Variants in ABLIM2 observed in about 807,000 individuals in gnomAD.
ABLIM2 encodes actin binding LIM protein family member 2.
A neutral mutation model predicts 97.7 loss-of-function variants in ABLIM2; 53 were observed. The observed-to-expected ratio is 0.54, with a 90% CI of 0.44 to 0.68. The LOEUF (loss-of-function observed/expected upper bound fraction) is 0.68, where lower values mean the gene tolerates loss of function less well. ABLIM2 is among the 30% of genes least tolerant of loss of function. ABLIM2 has a pLI of 0.00. For synonymous variants in ABLIM2, 361 were observed against 345.8 expected, an observed-to-expected ratio of 1.04 and a Z score of -0.49; for missense variants, 835 against 867.2, an observed-to-expected ratio of 0.96 and a Z score of 0.47.
Position 8,130,260 on chromosome 4 carries a change from C to T in ABLIM2, c.11-23623G>A, listed in dbSNP as rs115085062. Among the ~76,000 whole-genome samples, 866 of 152,294 alleles carry T rather than the reference C, an allele frequency of 5.7e-3. 9 individuals are homozygous for T. Among genetic ancestry groups the T allele is most frequent in the African/African-American group, 0.019 (806 of 41,574 alleles). ...AGGGTGGTGCTGGATGGCTGAGGCC[C>T]GGCCGCATCTGTCACCAGTTCCGGG... is the stretch of plus-strand genomic sequence containing the variant. On this transcript the variant is annotated intron_variant, in intron 1 of 20. Coordinates refer to ENST00000447017, the MANE Select transcript of ABLIM2 (RefSeq NM_001130083.2). The surrounding 1 kb of genome is among the most constrained non-coding windows in gnomAD (Gnocchi z 4.2).
At chr4:7,994,504 G>GGAGAA (rs1751684969) in intron 16 of ABLIM2, among the ~76,000 whole-genome samples, 1 of 51,540 alleles carries the variant, frequency 1.9e-5, no homozygotes, top group African/African-American at 5.3e-5. Flanking sequence ...ATCATTGTTG[G>GGAGAA]ACATTTGGGT....
rs1360833589 is a variant in ABLIM2, at chr4:8,158,719, C to T, written c.-30G>A. On this transcript the variant is annotated 5_prime_UTR_variant, in exon 1 of 21. Coordinates refer to ENST00000447017, the MANE Select transcript of ABLIM2 (RefSeq NM_001130083.2). Reference sequence around the variant, plus strand: ...GCAGCCGCTCGGAGTCGGGGCGGCCCGGCGCTGCGACAGCCAGACCCTCGG... The same window carrying T: ...GCAGCCGCTCGGAGTCGGGGCGGCCTGGCGCTGCGACAGCCAGACCCTCGG... 1.4e-6 allele frequency: 2 copies of T among 1,437,430 alleles called. No homozygotes were observed. The highest frequency in any genetic ancestry group is 1.8e-6 in the Non-Finnish European group (2 of 1,095,038). The allele number at this position is 1,437,430 out of a possible 1,614,324, so 89.0% of individuals were successfully genotyped here. A position where few individuals can be genotyped will look rare whatever the true frequency, so the allele number is the denominator to read the frequency against.
chr4:8,074,737 C>T (rs1814777912), intron 6 of ABLIM2, among the ~76,000 whole-genome samples: 1 of 148,472 alleles, frequency 6.7e-6, no homozygotes, highest in African/African-American at 2.5e-5. Flanking sequence ...AACTGGAAGG[C>T]GGCATTGTGT....
At chr4:8,088,310 C>A in intron 3 of ABLIM2, 26 bp from the exon 4 acceptor site, 3 of 1,591,066 alleles carry the variant, frequency 1.9e-6, no homozygotes, top group South Asian at 1.1e-5. Context: ...TCGTTACCAG[C>A]CAGGCCCACC....
chr4:8,156,328 C>G (rs1014581515), intron 1 of ABLIM2, among the ~76,000 whole-genome samples: 1 of 152,188 alleles, frequency 6.6e-6, no homozygotes, highest in African/African-American at 2.4e-5. Context: ...TGTGGACTGG[C>G]CGGCCATACT....
At chr4:8,121,290 G>C (rs1350364479) in intron 1 of ABLIM2, among the ~76,000 whole-genome samples, 1 of 152,246 alleles carries the variant, frequency 6.6e-6, no homozygotes, top group African/African-American at 2.4e-5. Context: ...GACGGTACTG[G>C]GCAGCCACCC....
rs570537634 is a variant in ABLIM2 at position 8,148,415 on chromosome 4, C to T, written c.10+10265G>A. On this transcript the variant is annotated intron_variant, in intron 1 of 20. Coordinates refer to ENST00000447017, the MANE Select transcript of ABLIM2 (RefSeq NM_001130083.2). The surrounding 1 kb of genome is among the most constrained non-coding windows in gnomAD (Gnocchi z 6.7). ...CAGGAGGTGAGGGAGCCGCTCAGGA[C>T]GCGGGGGGGCCATGGCGCACCACAG... Among the ~76,000 whole-genome samples the T allele has an allele frequency of 5.9e-5, 9 of 152,220 alleles. No individual in the cohort carries two copies. The highest frequency in any genetic ancestry group is 1.2e-4 in the African/African-American group (5 of 41,544).
chr4:8,077,964 C>G (rs890510522), intron 5 of ABLIM2, among the ~76,000 whole-genome samples: 3 of 152,214 alleles, frequency 2.0e-5, no homozygotes, highest in Non-Finnish European at 4.4e-5. Flanking sequence ...GGCCAGACCA[C>G]CTGCCCAGTG....
rs1820434620 is a variant in ABLIM2, at chr4:8,082,297, T to C, written c.455-1495A>G. Among the ~76,000 whole-genome samples, 1 of 152,188 alleles carries C rather than the reference T, an allele frequency of 6.6e-6. No homozygotes were observed. Among genetic ancestry groups the C allele is most frequent in the African/African-American group, 2.4e-5 (1 of 41,444 alleles). ...TATGCGCTGGGTCACACTGAGCGTA[T>C]TCCTCCTGCGGGAGCCCCCATTTCC... On this transcript the variant is annotated intron_variant, in intron 4 of 20. Transcript: ENST00000447017. The surrounding 1 kb of genome is among the most constrained non-coding windows in gnomAD (Gnocchi z 5.6).
chr4:8,090,946 C>G (rs1826961019), intron 3 of ABLIM2, among the ~76,000 whole-genome samples: 1 of 152,022 alleles, frequency 6.6e-6, no homozygotes, highest in Non-Finnish European at 1.5e-5. Context: ...GCACGGTTGC[C>G]AACCAGCCTC....
intron 16 of ABLIM2, among the ~76,000 whole-genome samples, chr4:7,994,595 C>G (rs1254894472): frequency 6.5e-5 from 5 of 76,398 alleles, no homozygotes; most frequent in Non-Finnish European, 1.6e-4. Flanking sequence ...ATGATTTATA[C>G]TCATTTGGGT....
intron 6 of ABLIM2, among the ~76,000 whole-genome samples, chr4:8,070,458 C>T (rs756732400): frequency 6.6e-6 from 1 of 151,858 alleles, no homozygotes; most frequent in Non-Finnish European, 1.5e-5. Flanking sequence ...CTTGAGAAGT[C>T]GCTATCACCT....
rs969009986 is a variant in ABLIM2, at chr4:8,061,877, T to C, written c.676-823A>G. On this transcript the variant is annotated intron_variant, in intron 6 of 20. Transcript: ENST00000447017. This position sits in a 1 kb window ranked among gnomAD's most constrained non-coding sequence, Gnocchi z 4.5. The stretch of plus-strand genomic sequence containing the variant: ...AGTAAGTAAAGGGCTGAAATGTCAT[T>C]TTGAGCATCCCGTTTTCCCTGTCCT... Among the ~76,000 whole-genome samples, 1 of 152,112 alleles carries C rather than the reference T, an allele frequency of 6.6e-6. No homozygotes were observed. Among genetic ancestry groups the C allele is most frequent in the African/African-American group, 2.4e-5 (1 of 41,426 alleles).
rs1011466930 is a variant in ABLIM2, at chr4:8,128,162, C to G, written c.11-21525G>C. ...GGCTTCAGGGCTCCTGTTTCTGCCC[C>G]CACCTTCACAGGCCGTCTTCCCTGT... is the stretch of plus-strand genomic sequence containing the variant. On this transcript the variant is annotated intron_variant, in intron 1 of 20. Transcript: ENST00000447017. This position sits in a 1 kb window ranked among gnomAD's most constrained non-coding sequence, Gnocchi z 4.9. Among the ~76,000 whole-genome samples, 1 of 152,160 alleles carries G rather than the reference C, an allele frequency of 6.6e-6. No homozygotes were observed. The highest frequency in any genetic ancestry group is 2.4e-5 in the African/African-American group (1 of 41,432).
At chr4:8,057,786 G>A (rs1203944763) in intron 7 of ABLIM2, among the ~76,000 whole-genome samples, 7 of 152,202 alleles carry the variant, frequency 4.6e-5, no homozygotes, top group Non-Finnish European at 1.5e-5. Flanking sequence ...CGTGGGGGTC[G>A]CTGGGGCCCA....
At position 8,004,145 on chromosome 4, in the gene ABLIM2, GCT is replaced by G. The variant is rs956035169; in HGVS notation, c.1618+3912_1618+3913del. 6.7e-6 allele frequency among the ~76,000 whole-genome samples: 1 copy of G among 149,418 alleles called. No individual in the cohort carries two copies. The highest frequency in any genetic ancestry group is 2.5e-5 in the African/African-American group (1 of 39,828). ...TCCACAGAAAAGCTGCAGCAGGGTC[GCT>G]GTCTCCTAACCCTCCCTCCCAACGG... On this transcript the variant is annotated intron_variant, in intron 16 of 20. Coordinates refer to ENST00000447017, the MANE Select transcript of ABLIM2 (RefSeq NM_001130083.2). This position sits in a 1 kb window ranked among gnomAD's most constrained non-coding sequence, Gnocchi z 5.9.
chr4:7,995,828 G>C (rs981559240), intron 16 of ABLIM2, among the ~76,000 whole-genome samples: 1 of 152,030 alleles, frequency 6.6e-6, no homozygotes, highest in Non-Finnish European at 1.5e-5. Context: ...CCAGACCTTC[G>C]GGCTATTCCT....
intron 1 of ABLIM2, among the ~76,000 whole-genome samples, chr4:8,158,402 C>A (rs995686778): frequency 6.6e-6 from 1 of 152,174 alleles, no homozygotes; most frequent in Non-Finnish European, 1.5e-5. Flanking sequence ...CCGTGAGAAG[C>A]AAAGAAGGGG....
chr4:7,975,719 C>G (rs1732481219), intron 20 of ABLIM2, among the ~76,000 whole-genome samples: 1 of 152,162 alleles, frequency 6.6e-6, no homozygotes, highest in African/African-American at 2.4e-5. Context: ...CAATATCTAA[C>G]TAAATTCCCA....
Sources: gnomAD v4.1 joint callset for allele counts (sites outside exome capture counted in the v4.1 genomes callset) on GRCh38, gnomAD v4.1.1 for gene constraint, Gnocchi (gnomAD v3.1) non-coding constraint, MANE v1.5 for transcripts, NCBI Gene and HGNC (gene_info 2026-07-23, HGNC 2026-07-21) for gene names.